Variants in PLCXD3 observed in about 807,000 individuals in gnomAD.
PLCXD3 encodes phosphatidylinositol specific phospholipase C X domain containing 3, also known as PI-PLC X domain-containing protein 3.
PLCXD3 carries 19 observed loss-of-function variants against 25.5 expected under a neutral mutation model. The observed-to-expected ratio is 0.75, with a 90% confidence interval of 0.52 to 1.09. The LOEUF (loss-of-function observed/expected upper bound fraction) is 1.09. PLCXD3 is among the 50% of genes least tolerant of loss of function. The pLI is 0.00. For missense variants in PLCXD3, 411 were observed against 388.1 expected (o/e 1.06, Z -0.50); for synonymous variants, 174 against 137.6 (o/e 1.26, Z -1.85).
intron 1 of PLCXD3, among the ~76,000 whole-genome samples, chr5:41,404,591 C>G (rs924723661): frequency 6.6e-6 from 1 of 152,070 alleles, no homozygotes; most frequent in Non-Finnish European, 1.5e-5. Context: ...ACTGCTTCAT[C>G]CTTTATTGCT....
chr5:41,387,926 A>G (rs1745689193), intron 1 of PLCXD3, among the ~76,000 whole-genome samples: 1 of 152,094 alleles, frequency 6.6e-6, no homozygotes, highest in Admixed American at 6.6e-5. Flanking sequence ...GAGAGGAGAA[A>G]ATGTTTGATC....
At chr5:41,433,333 T>C (rs1298854503) in intron 1 of PLCXD3, among the ~76,000 whole-genome samples, 1 of 152,234 alleles carries the variant, frequency 6.6e-6, no homozygotes, top group Non-Finnish European at 1.5e-5. Flanking sequence ...GCTCATAATG[T>C]GAAATGCAAT....
At chr5:41,353,513 T>C (rs1744533902) in intron 2 of PLCXD3, among the ~76,000 whole-genome samples, 1 of 152,200 alleles carries the variant, frequency 6.6e-6, no homozygotes, top group Admixed American at 6.5e-5. Flanking sequence ...AAACACCTTG[T>C]ATGTATGTAG....
intron 1 of PLCXD3, among the ~76,000 whole-genome samples, chr5:41,460,068 C>A (rs1027975419): frequency 1.3e-5 from 2 of 151,812 alleles, no homozygotes; most frequent in Non-Finnish European, 2.9e-5. Context: ...TTTAGGAGAC[C>A]TTTTAAACCT....
intron 1 of PLCXD3, among the ~76,000 whole-genome samples, chr5:41,478,298 C>T (rs990956382): frequency 2.0e-5 from 3 of 152,106 alleles, no homozygotes; most frequent in Non-Finnish European, 4.4e-5. Context: ...AAATAAGCAA[C>T]CATAAGTAAT....
At chr5:41,450,195 T>C (rs768371481) in intron 1 of PLCXD3, among the ~76,000 whole-genome samples, 2 of 152,092 alleles carry the variant, frequency 1.3e-5, no homozygotes, top group Non-Finnish European at 2.9e-5. Context: ...AGAACAGAAC[T>C]GGGAGGGTGC....
intron 2 of PLCXD3, among the ~76,000 whole-genome samples, chr5:41,353,093 CTTTT>C (rs869052057): frequency 7.3e-6 from 1 of 136,550 alleles, no homozygotes. Flanking sequence ...GCACACTCAG[CTTTT>C]TTTTTTTTTT....
intron 1 of PLCXD3, among the ~76,000 whole-genome samples, chr5:41,421,626 G>A (rs927985052): frequency 3.6e-4 from 55 of 152,284 alleles, no homozygotes; most frequent in African/African-American, 1.3e-3. Context: ...GCGTGAACCC[G>A]AGAGGCGAAG....
intron 1 of PLCXD3, among the ~76,000 whole-genome samples, chr5:41,472,926 ATGATTTAGAAAAAACTCATGGT>A (rs1383599819): frequency 3.9e-5 from 6 of 152,224 alleles, no homozygotes; most frequent in Non-Finnish European, 5.9e-5. Flanking sequence ...TAGAGAACAC[ATGATTTAGAAAAAACTCATGGT>A]TGATTCAAAC....
At chr5:41,505,153 G>A (rs903280850) in intron 1 of PLCXD3, among the ~76,000 whole-genome samples, 20 of 152,224 alleles carry the variant, frequency 1.3e-4, no homozygotes, top group African/African-American at 3.6e-4. Flanking sequence ...CACGAGTAAA[G>A]CTTATGGGCC....
At chr5:41,423,079 T>C (rs560445206) in intron 1 of PLCXD3, among the ~76,000 whole-genome samples, 29 of 152,170 alleles carry the variant, frequency 1.9e-4, no homozygotes, top group Non-Finnish European at 3.7e-4. Flanking sequence ...GATCAAATTA[T>C]TTTTTCTTTT....
At chr5:41,403,878 T>A (rs1746276215) in intron 1 of PLCXD3, among the ~76,000 whole-genome samples, 1 of 151,804 alleles carries the variant, frequency 6.6e-6, no homozygotes, top group South Asian at 2.1e-4. Flanking sequence ...TGTGCATGTG[T>A]CTTTATAGCA....
intron 2 of PLCXD3, among the ~76,000 whole-genome samples, chr5:41,340,022 C>A (rs1226372155): frequency 6.6e-6 from 1 of 152,124 alleles, no homozygotes; most frequent in Non-Finnish European, 1.5e-5. Context: ...AGATAAATGG[C>A]TCTCTGTTTG....
chr5:41,496,792 GAATACTAT>G (rs3046183), intron 1 of PLCXD3, among the ~76,000 whole-genome samples: 46,013 of 151,028 alleles, frequency 0.3, 7,661 homozygotes, highest in African/African-American at 0.44. Flanking sequence ...GATAAATACA[GAATACTAT>G]AATACTATAA....
At chr5:41,374,595 A>G (rs1213637845) in intron 2 of PLCXD3, among the ~76,000 whole-genome samples, 1 of 152,182 alleles carries the variant, frequency 6.6e-6, no homozygotes, top group Non-Finnish European at 1.5e-5. Flanking sequence ...ATACATATCT[A>G]TAGAGACAGG....
intron 1 of PLCXD3, among the ~76,000 whole-genome samples, chr5:41,428,811 T>C (rs1048045476): frequency 6.6e-6 from 1 of 152,172 alleles, no homozygotes; most frequent in Admixed American, 6.5e-5. Context: ...AGACGCTTCA[T>C]GCACTGTTAA....
intron 1 of PLCXD3, among the ~76,000 whole-genome samples, chr5:41,396,554 A>T (rs1340067488): frequency 6.6e-6 from 1 of 152,204 alleles, no homozygotes; most frequent in Non-Finnish European, 1.5e-5. Flanking sequence ...GAAGTAGGGC[A>T]TTGCTATAAA....
chr5:41,379,471 G>C (rs1745390682), intron 2 of PLCXD3, among the ~76,000 whole-genome samples: 1 of 152,062 alleles, frequency 6.6e-6, no homozygotes, highest in Non-Finnish European at 1.5e-5. Flanking sequence ...AAATCATCTA[G>C]AAATGTTAAT....
chr5:41,393,543 CCA>C (rs1327040903), intron 1 of PLCXD3, among the ~76,000 whole-genome samples: 1 of 151,950 alleles, frequency 6.6e-6, no homozygotes, highest in Admixed American at 6.6e-5. Flanking sequence ...CACGCCAGAC[CCA>C]CCCTAGAAGA....
Sources: gnomAD v4.1 joint callset for allele counts (sites outside exome capture counted in the v4.1 genomes callset) on GRCh38, gnomAD v4.1.1 for gene constraint, MANE v1.5 for transcripts, NCBI Gene and HGNC (gene_info 2026-07-23, HGNC 2026-07-21) for gene names.